ADAMTS17: variants seen among roughly 807,000 people sequenced by gnomAD.
The protein encoded by ADAMTS17 is ADAM metallopeptidase with thrombospondin type 1 motif 17, also known as A disintegrin and metalloproteinase with thrombospondin motifs 17.
In ADAMTS17, 113 loss-of-function variants were observed where a neutral mutation model predicts 141.5. The observed-to-expected ratio is 0.80, with a 90% CI of 0.69 to 0.93. The LOEUF (loss-of-function observed/expected upper bound fraction) is 0.93. ADAMTS17 is among the 40% of genes least tolerant of loss of function. The pLI is 0.00. For synonymous variants in ADAMTS17, 768 were observed against 630.6 expected, an observed-to-expected ratio of 1.22 and a Z score of -3.27; for missense variants, 1,659 against 1,517.9, an observed-to-expected ratio of 1.09 and a Z score of -1.54.
chr15:100,335,769 T>C (rs2587762), intron 2 of ADAMTS17, among the ~76,000 whole-genome samples: 141,145 of 152,274 alleles, frequency 0.93, 65,734 homozygotes, highest in Middle Eastern at 0.98. Context: ...CTTGCAGGGC[T>C]ATGTTATTTA....
chr15:100,108,927 G>C, intron 14 of ADAMTS17, 62 bp downstream of exon 14: 1 of 1,609,760 alleles, frequency 6.2e-7, no homozygotes, highest in South Asian at 1.1e-5. Context: ...CCCACTCCCT[G>C]TCTGGGGAGA....
intron 18 of ADAMTS17, among the ~76,000 whole-genome samples, chr15:100,026,455 C>T (rs1483041828): frequency 1.3e-5 from 2 of 152,216 alleles, no homozygotes; most frequent in Admixed American, 6.5e-5. Context: ...GAATGCTTAT[C>T]CGCCATGTTG....
At chr15:100,311,549 G>A (rs2045406016) in intron 3 of ADAMTS17, among the ~76,000 whole-genome samples, 1 of 152,210 alleles carries the variant, frequency 6.6e-6, no homozygotes, top group Admixed American at 6.5e-5. Context: ...AGTTACTAAA[G>A]TGGGGCGGGC....
At chr15:100,243,789 T>TAAAAAAAA (rs547134930) in intron 7 of ADAMTS17, among the ~76,000 whole-genome samples, 1 of 93,470 alleles carries the variant, frequency 1.1e-5, no homozygotes, top group Admixed American at 1.2e-4. Context: ...GACTCCATCT[T>TAAAAAAAA]AAAAAAAAAA....
chr15:99,974,692 C>G (rs1321165885), intron 21 of ADAMTS17, 130 bp from the exon 22 acceptor site: 11 of 1,221,348 alleles, frequency 9.0e-6, no homozygotes, highest in African/African-American at 6.0e-5. Context: ...ACCCTTTGCA[C>G]TGATTAGGCC....
At chr15:100,027,126 A>G (rs1300016325) in intron 18 of ADAMTS17, among the ~76,000 whole-genome samples, 1 of 152,100 alleles carries the variant, frequency 6.6e-6, no homozygotes, top group Non-Finnish European at 1.5e-5. Flanking sequence ...TGTAAAACGC[A>G]CTTTGTCTCT....
rs1215411149 is a variant in ADAMTS17, at chr15:100,157,888, C to CTTT, written c.1182-2571_1182-2569dup. ...CCAGTGAGAACAGTTTAGCTATATT[C>CTTT]TTTTTTTTTTTTTTTCCTGAGATGG... On this transcript the variant is annotated intron_variant, in intron 8 of 21. Transcript: ENST00000268070. Among the ~76,000 whole-genome samples, 5 of 141,436 alleles carry CTTT rather than the reference C, an allele frequency of 3.5e-5. No individual in the cohort carries two copies. In the South Asian group the frequency reaches 6.9e-4, roughly 20 times the overall value. 92.8% of individuals were successfully genotyped at this position (141,436 alleles called of 152,430 possible).
At position 100,155,212 on chromosome 15, in the gene ADAMTS17, G is replaced by T; in HGVS notation, c.1290C>A (p.Ser430=). 6.2e-7 allele frequency: 1 copy of T among 1,614,234 alleles called. No individual in the cohort carries two copies. Among genetic ancestry groups the T allele is most frequent in the Non-Finnish European group, 8.5e-7 (1 of 1,180,046 alleles). ...AGTTTTCAAGGTCATCTCGGCTGCA[G>T]GAGGACCAAGAGAGGTCACTTGGGT... The part of the protein sequence containing the change: ...GRNPSDLSWS[S]CSRDDLENFL... Residue 430 remains serine (S), a synonymous_variant, in exon 9 of 22, where the codon TCC becomes TCA. Transcript: ENST00000268070.
At position 100,015,950 on chromosome 15, in the gene ADAMTS17, C is replaced by T. The variant is rs909116137; in HGVS notation, c.2592-18361G>A. On this transcript the variant is annotated intron_variant, in intron 18 of 21. Coordinates refer to ENST00000268070, the MANE Select transcript of ADAMTS17 (RefSeq NM_139057.4). ...TGGCGAAGTATTCCTCCATTATTCC[C>T]TCAAATATATTTTCCAAACTTTTAG... is the stretch of plus-strand genomic sequence containing the variant. Among the ~76,000 whole-genome samples, 48 of 152,320 alleles carry T rather than the reference C, an allele frequency of 3.2e-4. No individual in the cohort carries two copies. In the Middle Eastern group the frequency reaches 0.017, roughly 54 times the overall value.
chr15:100,259,056 T>C (rs900648984), intron 6 of ADAMTS17, among the ~76,000 whole-genome samples: 1 of 152,088 alleles, frequency 6.6e-6, no homozygotes, highest in African/African-American at 2.4e-5. Context: ...GTAGGGAAAA[T>C]TACCATAAGC....
intron 16 of ADAMTS17, among the ~76,000 whole-genome samples, chr15:100,052,585 T>C (rs952791538): frequency 2.6e-5 from 4 of 152,224 alleles, no homozygotes; most frequent in Admixed American, 2.0e-4. Flanking sequence ...CATTGGTGTT[T>C]GCTAGAGAAA....
chr15:100,140,484 C>CATATATATATATATAT (rs1164353969), intron 10 of ADAMTS17, among the ~76,000 whole-genome samples: 645 of 40,720 alleles, frequency 0.016, 10 homozygotes, highest in African/African-American at 0.023. Flanking sequence ...CACACACATA[C>CATATATATATATATAT]ATACATATAT....
intron 15 of ADAMTS17, among the ~76,000 whole-genome samples, chr15:100,056,091 G>A (rs2032542944): frequency 6.6e-6 from 1 of 152,080 alleles, no homozygotes; most frequent in Admixed American, 6.6e-5. Flanking sequence ...TCTGTTACAG[G>A]GTTTCATATT....
intron 18 of ADAMTS17, among the ~76,000 whole-genome samples, chr15:100,030,763 A>AAT (rs1420118219): frequency 6.6e-6 from 1 of 152,200 alleles, no homozygotes; most frequent in Non-Finnish European, 1.5e-5. Context: ...CAAGAAGGGG[A>AAT]ATGTTAGTAT....
chr15:100,079,339 A>G (rs969388407), intron 15 of ADAMTS17, among the ~76,000 whole-genome samples: 2 of 152,264 alleles, frequency 1.3e-5, no homozygotes, highest in Admixed American at 6.5e-5. Flanking sequence ...ACAATGTGAT[A>G]TCTCCAAACA....
At chr15:99,985,398 A>G (rs1361770377) in intron 20 of ADAMTS17, among the ~76,000 whole-genome samples, 1 of 152,206 alleles carries the variant, frequency 6.6e-6, no homozygotes, top group African/African-American at 2.4e-5. Context: ...TTGATGGTCA[A>G]ATATTCTTCA....
At position 100,022,034 on chromosome 15, in the gene ADAMTS17, C is replaced by T. The variant is rs760234935; in HGVS notation, c.2592-24445G>A. 2.6e-5 allele frequency among the ~76,000 whole-genome samples: 4 copies of T among 152,298 alleles called. No homozygotes were observed. In the East Asian group the frequency reaches 7.7e-4, roughly 29 times the overall value. On this transcript the variant is annotated intron_variant, in intron 18 of 21. Transcript: ENST00000268070. ...CTATGGCTTGGGTGCTCCTAGGAGT[C>T]AAGAGGCTCAGATCTAGTTCGGGCT...
chr15:100,033,124 C>T (rs939133499), intron 18 of ADAMTS17, among the ~76,000 whole-genome samples: 7 of 152,172 alleles, frequency 4.6e-5, no homozygotes, highest in African/African-American at 1.7e-4. Context: ...GCCCAGTGAA[C>T]AGGGTTGAAC....
intron 4 of ADAMTS17, among the ~76,000 whole-genome samples, chr15:100,268,090 G>C (rs1487455959): frequency 6.6e-6 from 1 of 151,828 alleles, no homozygotes; most frequent in Non-Finnish European, 1.5e-5. Context: ...TTAGGATAAT[G>C]GCCTTTAGCT....
Sources: allele counts gnomAD v4.1 joint callset (sites outside exome capture counted in the v4.1 genomes callset), GRCh38; gene constraint gnomAD v4.1.1; transcripts MANE v1.5; gene names NCBI Gene and HGNC (gene_info 2026-07-23, HGNC 2026-07-21).